STK32A: variants seen among roughly 807,000 people sequenced by gnomAD.
STK32A encodes the protein serine/threonine kinase 32A, also known as serine/threonine-protein kinase 32A.
STK32A carries 41 observed loss-of-function variants against 53.2 expected under a neutral mutation model. That is an observed-to-expected ratio of 0.77 (90% confidence interval 0.60 to 1.00). The LOEUF (loss-of-function observed/expected upper bound fraction) is 1.00. Among genes scored for constraint, STK32A ranks in the 50% least tolerant of loss-of-function variants. The pLI is 0.00. For missense variants in STK32A, 458 were observed against 485.8 expected, an observed-to-expected ratio of 0.94 and a Z score of 0.54; for synonymous variants, 166 against 162.8, an observed-to-expected ratio of 1.02 and a Z score of -0.15.
At chr5:147,235,792 G>A (rs1753286799) in intron 1 of STK32A, among the ~76,000 whole-genome samples, 2 of 152,184 alleles carry the variant, frequency 1.3e-5, no homozygotes, top group African/African-American at 4.8e-5. Flanking sequence ...CGTGATTGTG[G>A]CTGTCTTTGG....
chr5:147,324,030 C>T lies in STK32A; in HGVS notation c.393C>T (p.Val131=). The change falls in exon 5 of 13, where the codon GTC becomes GTT. Residue 131 remains valine, a synonymous_variant. Coordinates refer to ENST00000397936, the MANE Select transcript of STK32A (RefSeq NM_001112724.2). Reference sequence around the variant, plus strand: ...TGAAGCTCTTCATCTGTGAGCTGGTCATGGCCCTGGACTACCTGCAGAACC... The same window carrying T: ...TGAAGCTCTTCATCTGTGAGCTGGTTATGGCCCTGGACTACCTGCAGAACC... ...ETVKLFICEL[V]MALDYLQNQR... is the part of the protein sequence containing the mutation. 6.2e-7 allele frequency: 1 copy of T among 1,610,126 alleles called. No homozygotes were observed.
intron 1 of STK32A, among the ~76,000 whole-genome samples, chr5:147,235,440 C>T (rs755472363): frequency 3.3e-5 from 5 of 152,216 alleles, no homozygotes; most frequent in African/African-American, 1.2e-4. Context: ...TGGGTTGAGA[C>T]AAGTGAGTGG....
intron 11 of STK32A, chr5:147,382,898 GCAA>G (rs1477615639): frequency 6.6e-6 from 1 of 152,616 alleles, no homozygotes; most frequent in African/African-American, 2.4e-5. Flanking sequence ...TGGGGGAGGT[GCAA>G]CAACAATGGC....
intron 2 of STK32A, among the ~76,000 whole-genome samples, chr5:147,273,135 T>C (rs1755116058): frequency 6.6e-6 from 1 of 152,262 alleles, no homozygotes; most frequent in South Asian, 2.1e-4. Flanking sequence ...TTTCCTTTTT[T>C]CTTTCCTTTA....
At chr5:147,320,358 A>G (rs934306560) in intron 4 of STK32A, among the ~76,000 whole-genome samples, 2 of 152,152 alleles carry the variant, frequency 1.3e-5, no homozygotes, top group Non-Finnish European at 2.9e-5. Flanking sequence ...TTTGGTAACC[A>G]TGCTAATTTC....
chr5:147,340,163 A>G (rs1755335468), intron 5 of STK32A, among the ~76,000 whole-genome samples: 1 of 152,208 alleles, frequency 6.6e-6, no homozygotes, highest in South Asian at 2.1e-4. Flanking sequence ...TTTTGTCACC[A>G]TCTTGGTTTT....
chr5:147,337,190 A>G (rs1288680777), intron 5 of STK32A, among the ~76,000 whole-genome samples: 2 of 152,186 alleles, frequency 1.3e-5, no homozygotes, highest in African/African-American at 2.4e-5. Context: ...TCACAGCTGG[A>G]ATCAGCTGGT....
chr5:147,366,101 C>T (rs566797348), intron 8 of STK32A, among the ~76,000 whole-genome samples: 1 of 152,122 alleles, frequency 6.6e-6, no homozygotes, highest in South Asian at 2.1e-4. Context: ...CCGCCCACTC[C>T]CCACAACAAA....
chr5:147,346,313 T>G (rs1406586149), intron 6 of STK32A, among the ~76,000 whole-genome samples: 1 of 152,200 alleles, frequency 6.6e-6, no homozygotes, highest in Non-Finnish European at 1.5e-5. Context: ...GGGCCTCATG[T>G]GGAAATTGTA....
intron 2 of STK32A, among the ~76,000 whole-genome samples, chr5:147,274,477 TA>T (rs1316223278): frequency 1.3e-5 from 2 of 152,156 alleles, no homozygotes; most frequent in African/African-American, 2.4e-5. Flanking sequence ...TAAACACCAC[TA>T]AGGTTAACTT....
chr5:147,369,015 T>C (rs1001193734), intron 8 of STK32A, among the ~76,000 whole-genome samples: 2 of 152,108 alleles, frequency 1.3e-5, no homozygotes, highest in African/African-American at 4.8e-5. Context: ...ATGATAAACA[T>C]GGTCTGAATC....
intron 7 of STK32A, among the ~76,000 whole-genome samples, 159 bp from the exon 8 acceptor site, chr5:147,361,358 A>G (rs1382450339): frequency 2.0e-5 from 3 of 152,176 alleles, no homozygotes; most frequent in Non-Finnish European, 4.4e-5. Context: ...AAAATTAGAA[A>G]TGTTTGCCTG....
At chr5:147,320,173 A>G (rs560153329) in intron 4 of STK32A, among the ~76,000 whole-genome samples, 2 of 152,348 alleles carry the variant, frequency 1.3e-5, no homozygotes, top group South Asian at 4.1e-4. Context: ...TTTGACTCAC[A>G]ATTTGAAAAA....
rs147476782 is a variant in STK32A at position 147,309,663 on chromosome 5, A to G, written c.261-14235A>G. Among the ~76,000 whole-genome samples, 3 of 152,342 alleles carry G rather than the reference A, an allele frequency of 2.0e-5. No homozygotes were observed. The East Asian group carries it at 5.8e-4, about 29-fold the overall frequency. ...TTCTTGGGGAAACTTAAAGAATCGTATATATGCAATGTCACTTTTTAAGAC... is the reference window on the plus strand; with the variant it reads ...TTCTTGGGGAAACTTAAAGAATCGTGTATATGCAATGTCACTTTTTAAGAC... On this transcript the variant is annotated intron_variant, in intron 4 of 12. Coordinates refer to ENST00000397936, the MANE Select transcript of STK32A (RefSeq NM_001112724.2).
chr5:147,395,633 C>T, the STK32A span: 1 of 1,614,112 alleles, frequency 6.2e-7, no homozygotes, highest in Non-Finnish European at 8.5e-7. Context: ...CCGAGCAGAG[C>T]CTGCGGGGGT....
rs934542416 is a variant in STK32A, at chr5:147,387,714, T to G, written c.*3731T>G. 1 of 152,258 alleles carries G rather than the reference T, an allele frequency of 6.6e-6. No homozygotes were observed. The highest frequency in any genetic ancestry group is 1.5e-5 in the Non-Finnish European group (1 of 68,044). The allele number at this position is 152,258 out of a possible 1,614,324, so 9.4% of individuals were successfully genotyped here. A position where few individuals can be genotyped will look rare whatever the true frequency, so the allele number is the denominator to read the frequency against. On this transcript the variant is annotated 3_prime_UTR_variant, in exon 13 of 13. Transcript: ENST00000397936. Reference sequence around the variant, plus strand: ...TGATATTAAACACTGATATTAAAATTTCAAACTTCACTTATCTGTGCTGTT... The same window carrying G: ...TGATATTAAACACTGATATTAAAATGTCAAACTTCACTTATCTGTGCTGTT...
intron 4 of STK32A, among the ~76,000 whole-genome samples, chr5:147,321,645 T>TA (rs1754327898): frequency 6.6e-6 from 1 of 152,160 alleles, no homozygotes. Flanking sequence ...CAAGTCCCAG[T>TA]AAAAATGTTC....
chr5:147,312,027 T>C (rs1753724117), intron 4 of STK32A, among the ~76,000 whole-genome samples: 1 of 152,174 alleles, frequency 6.6e-6, no homozygotes, highest in South Asian at 2.1e-4. Flanking sequence ...GGAGATAAAC[T>C]CCAACCAAGA....
the STK32A span, chr5:147,394,018 CTT>C: frequency 6.2e-7 from 1 of 1,613,720 alleles, no homozygotes; most frequent in Non-Finnish European, 8.5e-7. Flanking sequence ...CTGCCCCTCT[CTT>C]TGAGGAAGGC....
Sources: allele counts gnomAD v4.1 joint callset (sites outside exome capture counted in the v4.1 genomes callset), GRCh38; gene constraint gnomAD v4.1.1; transcripts MANE v1.5; gene names NCBI Gene and HGNC (gene_info 2026-07-23, HGNC 2026-07-21).